SEMA5A: variants seen among roughly 807,000 people sequenced by gnomAD.
The protein encoded by SEMA5A is semaphorin 5A.
SEMA5A carries 55 observed loss-of-function variants against 135.5 expected under a neutral mutation model. That is an observed-to-expected ratio of 0.41 (90% CI 0.33 to 0.51). The LOEUF is 0.51. SEMA5A is among the 20% of genes least tolerant of loss of function. The pLI, the probability that SEMA5A is intolerant of heterozygous loss-of-function variation, is 0.37. For synonymous variants in SEMA5A, 580 were observed against 546.5 expected (o/e 1.06, Z -0.85); for missense variants, 1,290 against 1,419.9 (o/e 0.91, Z 1.47).
At chr5:9,069,768 G>T (rs1737673750) in intron 16 of SEMA5A, among the ~76,000 whole-genome samples, 1 of 151,900 alleles carries the variant, frequency 6.6e-6, no homozygotes, top group Admixed American at 6.6e-5. Context: ...TCATTTTCTT[G>T]TGTTTATAGC....
rs546396944 is a variant in SEMA5A at position 9,279,468 on chromosome 5, A to G, written c.270+38904T>C. 3.3e-5 allele frequency among the ~76,000 whole-genome samples: 5 copies of G among 152,230 alleles called. No individual in the cohort carries two copies. In the South Asian group the frequency reaches 1.0e-3, roughly 32 times the overall value. ...ATTTTTGAGTTAATGCTAGAATGAGATAAGAGTATGGGGGATTGTTGGGAA... is the reference window on the plus strand; with the variant it reads ...ATTTTTGAGTTAATGCTAGAATGAGGTAAGAGTATGGGGGATTGTTGGGAA... On this transcript the variant is annotated intron_variant, in intron 5 of 22. Coordinates refer to ENST00000382496, the MANE Select transcript of SEMA5A (RefSeq NM_003966.3).
At chr5:9,086,357 G>C (rs1469135195) in intron 16 of SEMA5A, among the ~76,000 whole-genome samples, 1 of 152,130 alleles carries the variant, frequency 6.6e-6, no homozygotes, top group Non-Finnish European at 1.5e-5. Flanking sequence ...TTGTGGGAGG[G>C]ACCTGGTGTG....
intron 1 of SEMA5A, among the ~76,000 whole-genome samples, chr5:9,474,805 ACCAGCTTACACCAG>A (rs796869902): frequency 1.1e-4 from 17 of 152,258 alleles, no homozygotes; most frequent in African/African-American, 3.8e-4. Flanking sequence ...CTCTGGCCAT[ACCAGCTTACACCAG>A]CCAACCCTCA....
At chr5:9,061,752 C>T (rs1409210123) in intron 18 of SEMA5A, among the ~76,000 whole-genome samples, 1 of 152,192 alleles carries the variant, frequency 6.6e-6, no homozygotes, top group African/African-American at 2.4e-5. Context: ...AATGAAAAGC[C>T]AGGCCCCAGG....
chr5:9,352,340 A>G (rs1754162726), intron 3 of SEMA5A, among the ~76,000 whole-genome samples: 1 of 151,554 alleles, frequency 6.6e-6, no homozygotes, highest in Non-Finnish European at 1.5e-5. Flanking sequence ...CTATCTATCC[A>G]TCTATCTAGC....
At chr5:9,308,786 G>A (rs752337373) in intron 5 of SEMA5A, among the ~76,000 whole-genome samples, 5 of 152,040 alleles carry the variant, frequency 3.3e-5, no homozygotes, top group Non-Finnish European at 5.9e-5. Flanking sequence ...ACATAAACTT[G>A]TAGACCTCAA....
intron 16 of SEMA5A, among the ~76,000 whole-genome samples, chr5:9,067,604 A>C (rs1737547350): frequency 7.0e-6 from 1 of 143,632 alleles, no homozygotes; most frequent in Non-Finnish European, 1.5e-5. Flanking sequence ...AAATAAAATA[A>C]ATTGCTCTAT....
chr5:9,467,349 T>G (rs548463258), intron 1 of SEMA5A, among the ~76,000 whole-genome samples: 1 of 152,200 alleles, frequency 6.6e-6, no homozygotes, highest in Admixed American at 6.5e-5. Flanking sequence ...GTTGACCTCA[T>G]GATCCACCCG....
intron 1 of SEMA5A, among the ~76,000 whole-genome samples, chr5:9,449,611 G>A (rs929268473): frequency 1.3e-5 from 2 of 152,004 alleles, no homozygotes; most frequent in African/African-American, 4.8e-5. Flanking sequence ...ACAGTTTGAT[G>A]AACATTTCTC....
chr5:9,300,569 G>C (rs1385211019), intron 5 of SEMA5A, among the ~76,000 whole-genome samples: 1 of 152,180 alleles, frequency 6.6e-6, no homozygotes, highest in Non-Finnish European at 1.5e-5. Context: ...TTCTTCTGAA[G>C]ATCTCCTGAA....
chr5:9,403,928 TTGTTTGTC>T (rs369418878), intron 2 of SEMA5A, among the ~76,000 whole-genome samples: 3,117 of 151,768 alleles, frequency 0.021, 49 homozygotes, highest in Non-Finnish European at 0.03. Flanking sequence ...GTTTGTTTGT[TTGTTTGTC>T]TGTTTGTTTG....
intron 16 of SEMA5A, among the ~76,000 whole-genome samples, chr5:9,082,161 C>T (rs948243773): frequency 1.3e-5 from 2 of 152,098 alleles, no homozygotes; most frequent in African/African-American, 2.4e-5. Flanking sequence ...ATTCTACAAT[C>T]GATTTACTGA....
At chr5:9,347,531 T>C (rs1180622925) in intron 3 of SEMA5A, among the ~76,000 whole-genome samples, 1 of 152,190 alleles carries the variant, frequency 6.6e-6, no homozygotes, top group African/African-American at 2.4e-5. Context: ...AACTACAAGC[T>C]TGTGTCACAC....
At chr5:9,314,827 C>T (rs1420371197) in intron 5 of SEMA5A, among the ~76,000 whole-genome samples, 3 of 152,128 alleles carry the variant, frequency 2.0e-5, no homozygotes, top group African/African-American at 7.2e-5. Context: ...ACCAATGGTA[C>T]AGCAGTCTGA....
chr5:9,339,967 G>A (rs1205697220), intron 3 of SEMA5A, among the ~76,000 whole-genome samples: 2 of 152,100 alleles, frequency 1.3e-5, no homozygotes, highest in Non-Finnish European at 2.9e-5. Context: ...ATGAAGTCAA[G>A]GTAAACAACT....
chr5:9,457,786 A>G (rs1758896560), intron 1 of SEMA5A, among the ~76,000 whole-genome samples: 1 of 152,180 alleles, frequency 6.6e-6, no homozygotes, highest in Non-Finnish European at 1.5e-5. Context: ...GAAAAATTAA[A>G]TACATTAATT....
At chr5:9,186,898 G>A (rs1247888494) in intron 11 of SEMA5A, among the ~76,000 whole-genome samples, 1 of 151,768 alleles carries the variant, frequency 6.6e-6, no homozygotes, top group African/African-American at 2.4e-5. Flanking sequence ...CTGATCTATT[G>A]AACACCAGGT....
At chr5:9,478,718 A>G (rs1173156130) in intron 1 of SEMA5A, among the ~76,000 whole-genome samples, 1 of 152,192 alleles carries the variant, frequency 6.6e-6, no homozygotes, top group East Asian at 1.9e-4. Flanking sequence ...AAGTAACTAA[A>G]TTGCTTTTGA....
intron 21 of SEMA5A, among the ~76,000 whole-genome samples, chr5:9,049,867 G>A (rs1736471289): frequency 6.6e-6 from 1 of 152,174 alleles, no homozygotes; most frequent in Non-Finnish European, 1.5e-5. Flanking sequence ...AGGGTGGCAG[G>A]AGGTTTGAAA....
Sources: gnomAD v4.1 joint callset for allele counts (sites outside exome capture counted in the v4.1 genomes callset) on GRCh38, gnomAD v4.1.1 for gene constraint, MANE v1.5 for transcripts, NCBI Gene and HGNC (gene_info 2026-07-23, HGNC 2026-07-21) for gene names.